Variants in ATXN7 observed in about 807,000 individuals in gnomAD.
The protein encoded by ATXN7 is ataxin-7.
A neutral mutation model predicts 70.5 loss-of-function variants in ATXN7; 12 were observed. The ratio of observed to expected loss-of-function variants is 0.17; its 90% CI spans 0.11 to 0.28. The LOEUF (loss-of-function observed/expected upper bound fraction) is 0.28, where lower values mean the gene tolerates loss of function less well. Ranked by LOEUF, ATXN7 falls within the 10% of genes least tolerant of loss-of-function variation. ATXN7 has a pLI of 1.00. For synonymous variants in ATXN7, 498 were observed against 448.7 expected (o/e 1.11, Z -1.39); for missense variants, 1,256 against 1,131.7 (o/e 1.11, Z -1.58).
chr3:63,996,430 A>G lies in ATXN7; in HGVS notation c.2608A>G (p.Thr870Ala), dbSNP rs1332039591. ...CGTGAACAATGTCCACATGAAACAC[A>G]CAGGCACCATCCCAGGGGCACAAGG... The part of the protein sequence containing the change: ...PAVNNVHMKH[T>A]GTIPGAQGLM... Residue 870 changes from threonine (T) to alanine (A), a missense_variant, in exon 12 of 13, where the codon ACA becomes GCA. Physicochemically the swap from Thr to Ala is moderately conservative, Grantham distance 58. Coordinates refer to ENST00000674280, the MANE Select transcript of ATXN7 (RefSeq NM_001377405.1). The G allele has an allele frequency of 1.2e-6, 2 of 1,614,192 alleles. No homozygotes were observed. Among genetic ancestry groups the G allele is most frequent in the East Asian group, 2.2e-5 (1 of 44,862 alleles).
At chr3:63,996,580 G>T in intron 12 of ATXN7, 97 bp downstream of exon 12, 6 of 1,150,110 alleles carry the variant, frequency 5.2e-6, no homozygotes, top group Non-Finnish European at 5.9e-6. Flanking sequence ...TTGGTTGGTT[G>T]GTTTGTAAAC....
Position 63,912,684 on chromosome 3 carries a change from G to GGCAGCAGCA in ATXN7, c.110_118dup (p.Gln37_Gln39dup), listed in dbSNP as rs193922929. On this transcript the variant is annotated inframe_insertion, in exon 3 of 13. Coordinates refer to ENST00000674280, the MANE Select transcript of ATXN7 (RefSeq NM_001377405.1). Reference sequence around the variant, plus strand: ...GGCGGAGCAGCGGCCGCGGCCGCCCGGCAGCAGCAGCAGCAGCAGCAGCAG... The same window carrying GGCAGCAGCA: ...GGCGGAGCAGCGGCCGCGGCCGCCCGGCAGCAGCAGCAGCAGCAGCAGCAGCAGCAGCAG... The GGCAGCAGCA allele has an allele frequency of 0.046, 49,970 of 1,086,962 alleles. 796 individuals carry two copies. Among genetic ancestry groups the GGCAGCAGCA allele is most frequent in the Non-Finnish European group, 0.05 (44,696 of 892,632 alleles). The allele number at this position is 1,086,962 out of a possible 1,614,324, so 67.3% of individuals were successfully genotyped here.
At chr3:63,977,883 A>T (rs1051639828) in intron 5 of ATXN7, among the ~76,000 whole-genome samples, 7 of 152,252 alleles carry the variant, frequency 4.6e-5, no homozygotes, top group South Asian at 2.1e-4. Flanking sequence ...GTTGAGTTTT[A>T]AAAAAATAGT....
At chr3:63,900,234 G>A (rs1332318808) in intron 2 of ATXN7, among the ~76,000 whole-genome samples, 1 of 152,182 alleles carries the variant, frequency 6.6e-6, no homozygotes, top group African/African-American at 2.4e-5. Flanking sequence ...TCAGCCTCTG[G>A]AATCAACTAT....
upstream of ATXN7, chr3:63,863,450 C>G: frequency 8.8e-7 from 1 of 1,134,874 alleles, no homozygotes; most frequent in Non-Finnish European, 1.1e-6. Context: ...CCGCTTCTAG[C>G]CGTCTCGGCC....
intron 12 of ATXN7, chr3:63,998,609 G>C (rs1171492172): frequency 4.1e-6 from 4 of 985,300 alleles, no homozygotes; most frequent in Non-Finnish European, 1.2e-6. Flanking sequence ...TCTCTGTGCA[G>C]AGGAATACTT....
At chr3:63,993,149 A>C (rs1195378282) in intron 11 of ATXN7, among the ~76,000 whole-genome samples, 1 of 152,138 alleles carries the variant, frequency 6.6e-6, no homozygotes, top group Non-Finnish European at 1.5e-5. Flanking sequence ...GCATGGCCAT[A>C]ACCTGAAAGG....
chr3:63,969,777 A>C (rs931238188), intron 5 of ATXN7, among the ~76,000 whole-genome samples: 1 of 152,198 alleles, frequency 6.6e-6, no homozygotes, highest in Non-Finnish European at 1.5e-5. Context: ...ATCCTTATAA[A>C]GGTAAATTGC....
At chr3:63,912,491 C>G (rs1368387345) in intron 2 of ATXN7, 97 bp from the exon 3 acceptor site, 1 of 811,154 alleles carries the variant, frequency 1.2e-6, no homozygotes, top group African/African-American at 1.9e-5. Context: ...GTGCCCCACC[C>G]GGTCCGCGGG....
At chr3:63,974,960 A>G (rs2075368250) in intron 5 of ATXN7, among the ~76,000 whole-genome samples, 1 of 152,204 alleles carries the variant, frequency 6.6e-6, no homozygotes, top group African/African-American at 2.4e-5. Context: ...GTGGTGGTGA[A>G]CTGAGGTAGA....
At chr3:63,924,311 C>T (rs566471696) in intron 4 of ATXN7, among the ~76,000 whole-genome samples, 2 of 152,124 alleles carry the variant, frequency 1.3e-5, no homozygotes, top group Admixed American at 6.5e-5. Flanking sequence ...CATTCATGTG[C>T]GGCTGTGGTG....
intron 1 of ATXN7, among the ~76,000 whole-genome samples, 115 bp downstream of exon 1, chr3:63,864,273 T>C (rs1300145688): frequency 6.7e-6 from 1 of 148,188 alleles, no homozygotes; most frequent in Non-Finnish European, 1.5e-5. Context: ...CGCCGCCCCA[T>C]CCAGGGTGAC....
chr3:63,918,166 A>G (rs1388456742), intron 4 of ATXN7, among the ~76,000 whole-genome samples: 2 of 151,974 alleles, frequency 1.3e-5, no homozygotes, highest in Middle Eastern at 3.2e-3. Context: ...CCTGTAGGCA[A>G]CTAGAGTTCA....
At chr3:63,960,478 G>A (rs2075110036) in intron 5 of ATXN7, among the ~76,000 whole-genome samples, 1 of 152,204 alleles carries the variant, frequency 6.6e-6, no homozygotes, top group Admixed American at 6.5e-5. Flanking sequence ...ACCAGTTAGT[G>A]AGCTGTTTTA....
At position 63,990,877 on chromosome 3, in the gene ATXN7, T is replaced by G; in HGVS notation, c.1682+18T>G. On this transcript the variant is annotated intron_variant, in intron 11 of 12. Coordinates refer to ENST00000674280, the MANE Select transcript of ATXN7 (RefSeq NM_001377405.1). ...CTATGGAAGTGAGTGCCTGTTGTTC[T>G]TGGGAGAGGAGCTGACTTTACACAG... The G allele has an allele frequency of 1.9e-6, 3 of 1,614,224 alleles. No individual in the cohort carries two copies. Among genetic ancestry groups the G allele is most frequent in the Non-Finnish European group, 1.7e-6 (2 of 1,180,032 alleles).
At chr3:63,863,817 C>T (rs1191053580), upstream of ATXN7, 2 of 1,174,412 alleles carry the variant, frequency 1.7e-6, no homozygotes, top group Non-Finnish European at 2.1e-6. Flanking sequence ...GCGGCGGCGG[C>T]GGCGGCGCAA....
At position 63,996,464 on chromosome 3, in the gene ATXN7, A is replaced by G. The variant is rs757572455; in HGVS notation, c.2642A>G (p.Asn881Ser). The G allele has an allele frequency of 6.2e-7, 1 of 1,614,164 alleles. No individual in the cohort carries two copies. Among genetic ancestry groups the G allele is most frequent in the South Asian group, 1.1e-5 (1 of 91,088 alleles). ...ATCCCAGGGGCACAAGGACTGATGAACAGTTCCCTCCTTCATCAGGTAGGA... is the reference window on the plus strand; with the variant it reads ...ATCCCAGGGGCACAAGGACTGATGAGCAGTTCCCTCCTTCATCAGGTAGGA... ...GTIPGAQGLM[N>S]SSLLHQPKAR... is the part of the protein sequence containing the mutation. The change falls in exon 12 of 13, where the codon AAC becomes AGC. Residue 881 changes from asparagine (N) to serine (S), a missense_variant. Transcript: ENST00000674280.
chr3:63,967,451 A>C (rs1156521016), intron 5 of ATXN7, among the ~76,000 whole-genome samples: 1 of 152,204 alleles, frequency 6.6e-6, no homozygotes, highest in Non-Finnish European at 1.5e-5. Context: ...AAAATGCTGC[A>C]GGTATTTTAT....
chr3:63,943,271 C>T (rs1189129752), intron 4 of ATXN7, among the ~76,000 whole-genome samples: 7 of 152,130 alleles, frequency 4.6e-5, no homozygotes, highest in Admixed American at 2.0e-4. Context: ...GCGGAGAGTT[C>T]GAAGAGAGCA....
Sources: allele counts gnomAD v4.1 joint callset (sites outside exome capture counted in the v4.1 genomes callset), GRCh38; gene constraint gnomAD v4.1.1; transcripts MANE v1.5; gene names NCBI Gene and HGNC (gene_info 2026-07-23, HGNC 2026-07-21).